Variants in MBTPS1 observed in about 807,000 individuals in gnomAD.
The protein encoded by MBTPS1 is membrane-bound transcription factor site-1 protease.
MBTPS1 carries 94 observed loss-of-function variants against 127.8 expected under a neutral mutation model. The ratio of observed to expected loss-of-function variants is 0.74; its 90% CI spans 0.62 to 0.87. The LOEUF is 0.87. MBTPS1 is among the 40% of genes least tolerant of loss of function. The pLI is 0.00. For missense variants in MBTPS1, 1,636 were observed against 1,353.2 expected, an observed-to-expected ratio of 1.21 and a Z score of -3.28; for synonymous variants, 632 against 509.4, an observed-to-expected ratio of 1.24 and a Z score of -3.24.
intron 1 of MBTPS1, among the ~76,000 whole-genome samples, chr16:84,116,404 C>T (rs1466365175): frequency 1.3e-5 from 2 of 152,242 alleles, no homozygotes; most frequent in African/African-American, 4.8e-5. Context: ...CTGACGCCAG[C>T]ACTGCCCCGG....
At chr16:84,057,427 C>CA (rs1288962958) in intron 21 of MBTPS1, 31 of 152,384 alleles carry the variant, frequency 2.0e-4, no homozygotes, top group African/African-American at 7.5e-4. Context: ...GTCATGGTAA[C>CA]AGTCCACACC....
In MBTPS1 at chr16:84,063,452, C is replaced by A. The variant is rs778078965; in HGVS notation, c.2432-7G>T. 6.2e-7 allele frequency: 1 copy of A among 1,611,172 alleles called. No individual in the cohort carries two copies. Among genetic ancestry groups the A allele is most frequent in the African/African-American group, 1.3e-5 (1 of 74,916 alleles). Reference sequence around the variant, plus strand: ...TGCTTTAAAACCTCCAATCCTGAAACAACACAACAAAAAACAACAGCCATG... The same window carrying A: ...TGCTTTAAAACCTCCAATCCTGAAAAAACACAACAAAAAACAACAGCCATG... On this transcript the variant is annotated splice_polypyrimidine_tract_variant and splice_region_variant and intron_variant, in intron 18 of 22. Transcript: ENST00000343411.
In MBTPS1 at chr16:84,054,209, C is replaced by T. The variant is rs2085481176; in HGVS notation, c.*240G>A. ...AGTCTTTGGTGCGCACAGCTGCCGGCGGGAAGTCTCACTGGCGGCAGAGCC... is the reference window on the plus strand; with the variant it reads ...AGTCTTTGGTGCGCACAGCTGCCGGTGGGAAGTCTCACTGGCGGCAGAGCC... On this transcript the variant is annotated 3_prime_UTR_variant, in exon 23 of 23. Transcript: ENST00000343411. The T allele has an allele frequency of 1.4e-5, 5 of 358,748 alleles. No individual in the cohort carries two copies. Among genetic ancestry groups the T allele is most frequent in the Admixed American group, 4.7e-5 (1 of 21,470 alleles). The allele number at this position is 358,748 out of a possible 1,614,324, so 22.2% of individuals were successfully genotyped here. A position where few individuals can be genotyped will look rare whatever the true frequency, so the allele number is the denominator to read the frequency against.
Position 84,095,633 on chromosome 16 carries a change from C to T in MBTPS1, c.594G>A (p.Gln198=), listed in dbSNP as rs527813507. The part of the protein sequence containing the change: ...AIPRQVAQTL[Q]ADVLWQMGYT... Reference sequence around the variant, plus strand: ...ATCCCATCTGCCAGAGCACATCTGCCTGCAGTGTCTGGGCAACCTGGCGCG... The same window carrying T: ...ATCCCATCTGCCAGAGCACATCTGCTTGCAGTGTCTGGGCAACCTGGCGCG... Residue 198 remains glutamine, a synonymous_variant, in exon 4 of 23, where the codon CAG becomes CAA. Coordinates refer to ENST00000343411, the MANE Select transcript of MBTPS1 (RefSeq NM_003791.4). 7.4e-6 allele frequency: 12 copies of T among 1,614,212 alleles called. No homozygotes were observed. The African/African-American group carries it at 1.3e-4, about 18-fold the overall frequency.
At chr16:84,113,952 T>TC (rs1159577297) in intron 1 of MBTPS1, among the ~76,000 whole-genome samples, 1 of 148,882 alleles carries the variant, frequency 6.7e-6, no homozygotes, top group East Asian at 2.0e-4. Flanking sequence ...AAAGGTGTCT[T>TC]CCCTTTTTTT....
intron 8 of MBTPS1, among the ~76,000 whole-genome samples, chr16:84,087,724 G>C (rs192071111): frequency 7.2e-5 from 11 of 152,086 alleles, no homozygotes; most frequent in Admixed American, 2.0e-4. Context: ...TGGCACACTG[G>C]GGCTCAAGGC....
chr16:84,066,460 G>C (rs1488738960), intron 17 of MBTPS1, 29 bp downstream of exon 17: 2 of 1,610,970 alleles, frequency 1.2e-6, no homozygotes, highest in East Asian at 2.2e-5. Context: ...TCACACCTAA[G>C]ACCACGCCCT....
At chr16:84,097,693 G>C (rs2086194831) in intron 3 of MBTPS1, among the ~76,000 whole-genome samples, 1 of 152,138 alleles carries the variant, frequency 6.6e-6, no homozygotes, top group African/African-American at 2.4e-5. Flanking sequence ...GGTTTGATTG[G>C]CTTTTATCTT....
At chr16:84,105,603 T>G (rs1376690872) in intron 1 of MBTPS1, among the ~76,000 whole-genome samples, 1 of 152,100 alleles carries the variant, frequency 6.6e-6, no homozygotes, top group African/African-American at 2.4e-5. Flanking sequence ...GACACAGATG[T>G]GCACAAGGAT....
intron 21 of MBTPS1, among the ~76,000 whole-genome samples, chr16:84,058,821 G>A (rs1439397832): frequency 6.6e-6 from 1 of 152,166 alleles, no homozygotes; most frequent in Non-Finnish European, 1.5e-5. Flanking sequence ...CCTGCCATCG[G>A]AGGCGGGTGC....
chr16:84,079,199 G>C (rs1257649345), intron 11 of MBTPS1, among the ~76,000 whole-genome samples: 2 of 152,236 alleles, frequency 1.3e-5, no homozygotes, highest in East Asian at 3.8e-4. Context: ...AGCTCCCTGA[G>C]GCCTCCCCAG....
intron 4 of MBTPS1, among the ~76,000 whole-genome samples, chr16:84,094,906 C>T (rs962775558): frequency 6.6e-6 from 1 of 152,090 alleles, no homozygotes; most frequent in African/African-American, 2.4e-5. Flanking sequence ...CAAGGATATA[C>T]GAAAGACACC....
intron 1 of MBTPS1, among the ~76,000 whole-genome samples, chr16:84,115,837 G>A (rs960858351): frequency 2.6e-5 from 4 of 151,894 alleles, no homozygotes; most frequent in Non-Finnish European, 5.9e-5. Flanking sequence ...AAAAACCACT[G>A]AATAGTACAC....
chr16:84,094,524 A>G (rs922655428), intron 4 of MBTPS1, among the ~76,000 whole-genome samples: 6 of 152,228 alleles, frequency 3.9e-5, no homozygotes, highest in African/African-American at 1.4e-4. Flanking sequence ...TCTAGAAAAA[A>G]AATACAGAAT....
chr16:84,067,342 T>G (rs2085700647), intron 16 of MBTPS1, among the ~76,000 whole-genome samples: 1 of 152,114 alleles, frequency 6.6e-6, no homozygotes, highest in Non-Finnish European at 1.5e-5. Flanking sequence ...TAAAGGACTA[T>G]TTTCTTTTTT....
At chr16:84,108,056 G>A (rs913167238) in intron 1 of MBTPS1, among the ~76,000 whole-genome samples, 12 of 151,814 alleles carry the variant, frequency 7.9e-5, no homozygotes, top group Non-Finnish European at 1.5e-4. Context: ...AGTCAGTGAG[G>A]CTTTGCAAGC....
chr16:84,110,880 A>G (rs2086388008), intron 1 of MBTPS1: 1 of 152,236 alleles, frequency 6.6e-6, no homozygotes, highest in Admixed American at 6.5e-5. Flanking sequence ...CTTTATGTCC[A>G]AAGATACACA....
intron 1 of MBTPS1, among the ~76,000 whole-genome samples, chr16:84,104,228 TTTG>T (rs34297194): frequency 6.6e-6 from 1 of 151,904 alleles, no homozygotes; most frequent in Non-Finnish European, 1.5e-5. Flanking sequence ...AGGCAGGCTT[TTTG>T]TTGTTGTTGT....
intron 21 of MBTPS1, 44 bp downstream of exon 21, chr16:84,059,253 GACTCA>G (rs776865945): frequency 1.3e-6 from 2 of 1,568,316 alleles, no homozygotes; most frequent in African/African-American, 2.7e-5. Flanking sequence ...GAAAAGCAAT[GACTCA>G]CAAGCCCCGT....
Sources: gnomAD v4.1 joint callset for allele counts (sites outside exome capture counted in the v4.1 genomes callset) on GRCh38, gnomAD v4.1.1 for gene constraint, MANE v1.5 for transcripts, NCBI Gene and HGNC (gene_info 2026-07-23, HGNC 2026-07-21) for gene names.